Variants in DCC observed in about 807,000 individuals in gnomAD.
The protein encoded by DCC is netrin receptor DCC.
In DCC, 58 loss-of-function variants were observed where a neutral mutation model predicts 172.5. The observed-to-expected ratio is 0.34, with a 90% CI of 0.27 to 0.42. DCC has a LOEUF of 0.42. Among genes scored for constraint, DCC ranks in the 10% least tolerant of loss-of-function variants. The pLI is 1.00. For synonymous variants in DCC, 709 were observed against 644.5 expected (o/e 1.10, Z -1.52); for missense variants, 1,740 against 1,791.0 (o/e 0.97, Z 0.51).
rs1331274640 is a variant in DCC at position 53,287,658 on chromosome 18, C to T, written c.1912-17920C>T. Among the ~76,000 whole-genome samples, 3 of 152,088 alleles carry T rather than the reference C, an allele frequency of 2.0e-5. No homozygotes were observed. In the East Asian group the frequency reaches 5.8e-4, roughly 29 times the overall value. ...TGTGAAGATTCCATTTTTTTCACAT[C>T]CTTGCCAATATTGTTATTATGTGTT... On this transcript the variant is annotated intron_variant, in intron 12 of 28. Coordinates refer to ENST00000442544, the MANE Select transcript of DCC (RefSeq NM_005215.4).
At chr18:52,870,885 C>T (rs1724481607) in intron 2 of DCC, among the ~76,000 whole-genome samples, 1 of 152,160 alleles carries the variant, frequency 6.6e-6, no homozygotes, top group Admixed American at 6.5e-5. Context: ...TAGCCAGCTT[C>T]ATATCACTTA....
At chr18:53,128,864 C>CATATATATAT (rs1253869249) in intron 7 of DCC, among the ~76,000 whole-genome samples, 4 of 72,124 alleles carry the variant, frequency 5.5e-5, no homozygotes, top group African/African-American at 2.7e-4. Context: ...CACACACACA[C>CATATATATAT]ACACACATAT....
intron 2 of DCC, among the ~76,000 whole-genome samples, chr18:52,756,386 C>T (rs1250196388): frequency 2.6e-4 from 39 of 152,226 alleles, no homozygotes; most frequent in Non-Finnish European, 1.0e-4. Context: ...GAGAGCTTTC[C>T]GCTGTTGCCA....
intron 12 of DCC, among the ~76,000 whole-genome samples, chr18:53,248,477 C>G (rs1341185159): frequency 6.6e-6 from 1 of 152,022 alleles, no homozygotes; most frequent in South Asian, 2.1e-4. Context: ...AAGAACACAT[C>G]TTGTCCTTCT....
At chr18:53,192,991 C>T (rs191538137) in intron 9 of DCC, among the ~76,000 whole-genome samples, 33 of 152,184 alleles carry the variant, frequency 2.2e-4, no homozygotes, top group African/African-American at 7.0e-4. Flanking sequence ...TTGATTTTAC[C>T]GTCCCTATAG....
chr18:53,031,080 G>GA (rs1282795468), intron 5 of DCC, among the ~76,000 whole-genome samples: 3 of 152,108 alleles, frequency 2.0e-5, no homozygotes, highest in Non-Finnish European at 4.4e-5. Flanking sequence ...CCGACATGGT[G>GA]AAACCCTATT....
At chr18:52,581,846 G>A (rs1027782448) in intron 1 of DCC, among the ~76,000 whole-genome samples, 1 of 152,116 alleles carries the variant, frequency 6.6e-6, no homozygotes, top group African/African-American at 2.4e-5. Flanking sequence ...CTGATTGACA[G>A]GGTAGGTGCC....
At chr18:53,101,842 C>CGTATGTGTGTGT (rs1285470102) in intron 7 of DCC, among the ~76,000 whole-genome samples, 146 of 46,452 alleles carry the variant, frequency 3.1e-3, no homozygotes, top group African/African-American at 0.011. Context: ...TGTGTGTGTG[C>CGTATGTGTGTGT]GTGTGCGTGT....
chr18:53,406,703 C>CAAAAA (rs35372678), intron 19 of DCC, among the ~76,000 whole-genome samples: 9 of 92,276 alleles, frequency 9.8e-5, no homozygotes, highest in African/African-American at 1.6e-4. Context: ...GACTCTGTCT[C>CAAAAA]AAAAAAAAAA....
chr18:52,440,945 T>C (rs1987952622), intron 1 of DCC, among the ~76,000 whole-genome samples: 1 of 152,230 alleles, frequency 6.6e-6, no homozygotes, highest in African/African-American at 2.4e-5. Flanking sequence ...AATGGAAATC[T>C]ACTTTGAATA....
At chr18:53,267,858 A>G (rs1270815002) in intron 12 of DCC, among the ~76,000 whole-genome samples, 2 of 152,202 alleles carry the variant, frequency 1.3e-5, no homozygotes, top group Admixed American at 6.5e-5. Flanking sequence ...GTTTGTGAAT[A>G]GCAGGTTTCC....
At chr18:53,418,378 T>TAAGA (rs1217514756) in intron 21 of DCC, among the ~76,000 whole-genome samples, 2 of 152,146 alleles carry the variant, frequency 1.3e-5, no homozygotes, top group Non-Finnish European at 2.9e-5. Flanking sequence ...AAGATCCCTC[T>TAAGA]AAGATTGATG....
At chr18:52,397,302 T>C (rs955208333) in intron 1 of DCC, among the ~76,000 whole-genome samples, 1 of 152,032 alleles carries the variant, frequency 6.6e-6, no homozygotes, top group Non-Finnish European at 1.5e-5. Context: ...CTGGAGATCA[T>C]ATTGAGAATC....
intron 15 of DCC, among the ~76,000 whole-genome samples, chr18:53,367,389 C>G (rs2058018347): frequency 6.6e-6 from 1 of 152,014 alleles, no homozygotes; most frequent in African/African-American, 2.4e-5. Flanking sequence ...TATATTTTTA[C>G]AATATTTTTG....
At chr18:53,002,115 C>A (rs886946274) in intron 5 of DCC, among the ~76,000 whole-genome samples, 1 of 152,058 alleles carries the variant, frequency 6.6e-6, no homozygotes, top group Non-Finnish European at 1.5e-5. Flanking sequence ...CATCTAGCCA[C>A]ATGTAAATGT....
chr18:52,617,757 T>G (rs933725474), intron 1 of DCC, among the ~76,000 whole-genome samples: 2 of 152,152 alleles, frequency 1.3e-5, no homozygotes, highest in African/African-American at 4.8e-5. Flanking sequence ...TTAGAACATT[T>G]TAGAAAAGAA....
In DCC at chr18:52,340,768, C is replaced by A. The variant is rs1214654185; in HGVS notation, c.-20C>A. 6.2e-7 allele frequency: 1 copy of A among 1,604,988 alleles called. No homozygotes were observed. Among genetic ancestry groups the A allele is most frequent in the Admixed American group, 1.7e-5 (1 of 60,002 alleles). ...CTGCCGCTGCCCGCGACCCCTGGCCCCGAAGGTGTTGGCTGAAATATGGAG... is the reference window on the plus strand; with the variant it reads ...CTGCCGCTGCCCGCGACCCCTGGCCACGAAGGTGTTGGCTGAAATATGGAG... On this transcript the variant is annotated 5_prime_UTR_variant, in exon 1 of 29. Transcript: ENST00000442544.
At chr18:53,023,512 C>G (rs539995075) in intron 5 of DCC, among the ~76,000 whole-genome samples, 5 of 150,852 alleles carry the variant, frequency 3.3e-5, no homozygotes, top group Non-Finnish European at 7.4e-5. Context: ...ATTTGTGTAC[C>G]AAACCCCAGC....
intron 1 of DCC, among the ~76,000 whole-genome samples, chr18:52,748,788 C>T (rs1013398127): frequency 4.6e-5 from 7 of 152,170 alleles, no homozygotes; most frequent in Admixed American, 3.3e-4. Context: ...GGCGGAGAGG[C>T]GATCTGCAGT....
Sources: allele counts gnomAD v4.1 joint callset (sites outside exome capture counted in the v4.1 genomes callset), GRCh38; gene constraint gnomAD v4.1.1; transcripts MANE v1.5; gene names NCBI Gene and HGNC (gene_info 2026-07-23, HGNC 2026-07-21).